The following VPS45 variants were observed in gnomAD, a reference collection of about 807,000 sequenced individuals.
The protein encoded by VPS45 is vacuolar protein sorting 45 homolog.
VPS45 carries 35 observed loss-of-function variants against 75.9 expected under a neutral mutation model. The ratio of observed to expected loss-of-function variants is 0.46; its 90% confidence interval spans 0.35 to 0.61. The LOEUF is 0.61. Ranked by LOEUF, VPS45 falls within the 20% of genes least tolerant of loss-of-function variation. The probability of loss-of-function intolerance (pLI) is 0.00; values close to 1 mark genes in which losing one functional copy is unlikely to be tolerated. For synonymous variants in VPS45, 220 were observed against 238.2 expected (o/e 0.92, Z 0.70); for missense variants, 559 against 685.9 (o/e 0.81, Z 2.07).
intron 10 of VPS45, among the ~76,000 whole-genome samples, chr1:150,086,451 C>T (rs1193144889): frequency 1.3e-5 from 2 of 151,930 alleles, no homozygotes; most frequent in Non-Finnish European, 2.9e-5. Flanking sequence ...CAGTGATAGC[C>T]TTGTATCTCT....
At chr1:150,103,551 C>T (rs888526928) in intron 13 of VPS45, among the ~76,000 whole-genome samples, 2 of 152,148 alleles carry the variant, frequency 1.3e-5, no homozygotes, top group African/African-American at 4.8e-5. Flanking sequence ...ATATAACCTA[C>T]ACCCACAGTT....
chr1:150,125,566 C>T (rs1658467429), intron 14 of VPS45, among the ~76,000 whole-genome samples: 1 of 129,384 alleles, frequency 7.7e-6, no homozygotes, highest in African/African-American at 2.9e-5. Flanking sequence ...AACCAAACAC[C>T]ACATGTTCTC....
At chr1:150,076,118 C>A in intron 3 of VPS45, 115 bp from the exon 4 acceptor site, 1 of 400,100 alleles carries the variant, frequency 2.5e-6, no homozygotes, top group Non-Finnish European at 4.4e-6. Flanking sequence ...TATATTTTTG[C>A]TACCCATTCC....
intron 14 of VPS45, among the ~76,000 whole-genome samples, chr1:150,137,905 A>G (rs1399390789): frequency 9.9e-6 from 1 of 100,784 alleles, no homozygotes; most frequent in Non-Finnish European, 1.8e-5. Context: ...ACAGAGTGAG[A>G]CTCCGTCTCC....
intron 10 of VPS45, among the ~76,000 whole-genome samples, chr1:150,088,750 A>G (rs911713060): frequency 6.6e-6 from 1 of 152,020 alleles, no homozygotes; most frequent in African/African-American, 2.4e-5. Context: ...AAGTGCTGGG[A>G]TTATAGACCT....
At position 150,077,098 on chromosome 1, in the gene VPS45, G is replaced by A. The variant is rs370166172; in HGVS notation, c.443G>A (p.Arg148Gln). The part of the protein sequence containing the change: ...SLNILGCCQG[R>Q]NWDPAQLSRT... ...ATATATGTTTTTAACAAAAAGGGTC[G>A]AAATTGGGATCCAGCCCAGCTATCT... Residue 148 changes from arginine to glutamine, a missense_variant, in exon 6 of 15, where the codon CGA becomes CAA. Arg to Gln is a conservative substitution (Grantham distance 43, BLOSUM62 1). Coordinates refer to ENST00000644510, the MANE Select transcript of VPS45 (RefSeq NM_007259.5). 177 of 1,613,590 alleles carry A rather than the reference G, an allele frequency of 1.1e-4. No homozygotes were observed. The highest frequency in any genetic ancestry group is 1.5e-4 in the African/African-American group (11 of 74,834).
chr1:150,078,666 G>T (rs997254432), intron 7 of VPS45, among the ~76,000 whole-genome samples: 3 of 152,086 alleles, frequency 2.0e-5, no homozygotes, highest in Admixed American at 2.0e-4. Context: ...GGAGGCTGAG[G>T]CAGGAGAATC....
At chr1:150,120,521 G>A (rs1164950812) in intron 14 of VPS45, among the ~76,000 whole-genome samples, 2 of 152,212 alleles carry the variant, frequency 1.3e-5, no homozygotes, top group East Asian at 3.9e-4. Context: ...GAAGATATAG[G>A]TCCCTTAGAT....
At chr1:150,085,060 C>G (rs142288297) in intron 10 of VPS45, among the ~76,000 whole-genome samples, 5 of 152,104 alleles carry the variant, frequency 3.3e-5, no homozygotes, top group Admixed American at 3.3e-4. Flanking sequence ...AAATAGTATC[C>G]TTTGTAAAGA....
At chr1:150,099,346 C>G (rs1656838252) in intron 13 of VPS45, among the ~76,000 whole-genome samples, 1 of 150,982 alleles carries the variant, frequency 6.6e-6, no homozygotes, top group East Asian at 1.9e-4. Flanking sequence ...AAAAAAAATA[C>G]AAAAATTAGC....
intron 14 of VPS45, among the ~76,000 whole-genome samples, chr1:150,136,249 C>CAAA: frequency 7.3e-6 from 1 of 137,248 alleles, no homozygotes; most frequent in Non-Finnish European, 1.5e-5. Context: ...ACTCTGTCTA[C>CAAA]AAAAAAAAAA....
At chr1:150,079,127 A>AAC (rs1396920401) in intron 7 of VPS45, among the ~76,000 whole-genome samples, 1 of 150,606 alleles carries the variant, frequency 6.6e-6, no homozygotes, top group South Asian at 2.1e-4. Context: ...AAAAAAAAAA[A>AAC]CACTCAAAAG....
chr1:150,116,673 A>G (rs1355952245), intron 14 of VPS45, among the ~76,000 whole-genome samples: 2 of 152,220 alleles, frequency 1.3e-5, no homozygotes, highest in Non-Finnish European at 2.9e-5. Flanking sequence ...GATGGTAGCC[A>G]TATGGGATTT....
intron 14 of VPS45, among the ~76,000 whole-genome samples, chr1:150,144,116 T>A (rs928156871): frequency 0.022 from 97 of 4,490 alleles, no homozygotes; most frequent in African/African-American, 0.048. Flanking sequence ...TTTTATTTTT[T>A]AATTTTTTTT....
At chr1:150,093,722 A>T (rs1332406982) in intron 13 of VPS45, 74 bp downstream of exon 13, 15 of 1,537,162 alleles carry the variant, frequency 9.8e-6, no homozygotes, top group Non-Finnish European at 1.3e-5. Context: ...AATGTTAAGG[A>T]CTAAAGCTGA....
At chr1:150,076,892 C>CTA (rs1289807441) in intron 4 of VPS45, 24 bp from the exon 5 acceptor site, 2 of 1,612,856 alleles carry the variant, frequency 1.2e-6, no homozygotes, top group African/African-American at 2.7e-5. Context: ...TATGGAATGA[C>CTA]TATTCTTGGT....
At chr1:150,105,886 T>C (rs782090215) in intron 13 of VPS45, among the ~76,000 whole-genome samples, 5 of 152,148 alleles carry the variant, frequency 3.3e-5, no homozygotes, top group Admixed American at 6.5e-5. Flanking sequence ...TAAAACAGCA[T>C]GGTACTGGTA....
intron 14 of VPS45, among the ~76,000 whole-genome samples, chr1:150,127,257 T>C (rs1187854973): frequency 6.6e-6 from 1 of 152,178 alleles, no homozygotes; most frequent in Non-Finnish European, 1.5e-5. Context: ...CACGAGAACA[T>C]TTGTGACTTG....
chr1:150,109,367 A>G (rs1657515156), intron 13 of VPS45: 1 of 152,122 alleles, frequency 6.6e-6, no homozygotes, highest in African/African-American at 2.4e-5. Flanking sequence ...TTTAGAGACT[A>G]TCTGAACATT....
Sources: allele counts gnomAD v4.1 joint callset (sites outside exome capture counted in the v4.1 genomes callset), GRCh38; gene constraint gnomAD v4.1.1; transcripts MANE v1.5; gene names NCBI Gene and HGNC (gene_info 2026-07-23, HGNC 2026-07-21).